The following ANTXR2 variants were observed in gnomAD, a reference collection of about 807,000 sequenced individuals.
The protein encoded by ANTXR2 is ANTXR cell adhesion molecule 2.
ANTXR2 carries 44 observed loss-of-function variants against 73.7 expected under a neutral mutation model. The observed-to-expected ratio is 0.60, with a 90% CI of 0.47 to 0.77. The LOEUF (loss-of-function observed/expected upper bound fraction) is 0.77, where lower values mean the gene tolerates loss of function less well. ANTXR2 is among the 30% of genes least tolerant of loss of function. The pLI is 0.00. For missense variants in ANTXR2, 604 were observed against 592.5 expected, an observed-to-expected ratio of 1.02 and a Z score of -0.20; for synonymous variants, 217 against 205.9, an observed-to-expected ratio of 1.05 and a Z score of -0.46.
intron 11 of ANTXR2, among the ~76,000 whole-genome samples, chr4:80,016,638 G>T (rs1350101316): frequency 2.0e-5 from 3 of 152,094 alleles, no homozygotes; most frequent in Middle Eastern, 3.2e-3. Context: ...TTTCCACTGC[G>T]ATGTCCAATA....
At chr4:79,960,524 G>GA (rs996660938) in intron 16 of ANTXR2, among the ~76,000 whole-genome samples, 8 of 151,410 alleles carry the variant, frequency 5.3e-5, no homozygotes, top group Admixed American at 3.9e-4. Context: ...AGCATAAGGA[G>GA]AAAAAAAACT....
rs1553896410 is a variant in ANTXR2 at position 80,072,479 on chromosome 4, C to T, written c.82G>A (p.Gly28Arg). The change falls in exon 1 of 17, where the codon GGG becomes AGG. Residue 28 changes from glycine to arginine, a missense_variant. By Grantham distance (125) the Gly-to-Arg change is moderately radical. Coordinates refer to ENST00000403729, the MANE Select transcript of ANTXR2 (RefSeq NM_058172.6). ...GLWLLVLSGP[G>R]GLLRAQEQPS... ...TGCTCCTGGGCGCGCAGCAGCCCCC[C>T]GGGACCGCTGAGCACCAACAGCCAC... 1.2e-6 allele frequency: 2 copies of T among 1,610,110 alleles called. No homozygotes were observed. Among genetic ancestry groups the T allele is most frequent in the Admixed American group, 1.7e-5 (1 of 59,736 alleles).
rs376265870 is a variant in ANTXR2, at chr4:79,927,974, T to C, written c.1429-20507A>G. 2.6e-5 allele frequency among the ~76,000 whole-genome samples: 4 copies of C among 152,154 alleles called. No individual in the cohort carries two copies. In the East Asian group the frequency reaches 7.7e-4, roughly 29 times the overall value. On this transcript the variant is annotated intron_variant, in intron 16 of 16. Coordinates refer to ENST00000403729, the MANE Select transcript of ANTXR2 (RefSeq NM_058172.6). The stretch of plus-strand genomic sequence containing the variant: ...TGGTAGTTCCTCAAAAAATTAAACA[T>C]AGAATTACTACATGATCCAGTAATC...
intron 16 of ANTXR2, among the ~76,000 whole-genome samples, chr4:79,920,373 CTCTGATCAA>C (rs1578083334): frequency 6.6e-6 from 1 of 152,046 alleles, no homozygotes; most frequent in East Asian, 1.9e-4. Flanking sequence ...TACCTGCCTC[CTCTGATCAA>C]TCTTGGTATC....
intron 13 of ANTXR2, among the ~76,000 whole-genome samples, 152 bp downstream of exon 13, chr4:79,984,667 G>A (rs1174237331): frequency 6.6e-6 from 1 of 151,840 alleles, no homozygotes. Flanking sequence ...TAAATCATAA[G>A]AGGATGAAAA....
intron 16 of ANTXR2, among the ~76,000 whole-genome samples, chr4:79,917,598 G>A (rs1406450045): frequency 6.6e-6 from 1 of 152,130 alleles, no homozygotes; most frequent in African/African-American, 2.4e-5. Flanking sequence ...AATGGAAAAA[G>A]CAAGAGAGAT....
At chr4:80,048,754 G>A (rs1371844424) in intron 7 of ANTXR2, among the ~76,000 whole-genome samples, 1 of 151,602 alleles carries the variant, frequency 6.6e-6, no homozygotes, top group Non-Finnish European at 1.5e-5. Flanking sequence ...ATAAAATATA[G>A]TGTTAGACAC....
chr4:79,936,550 C>T (rs1046237479), intron 16 of ANTXR2, among the ~76,000 whole-genome samples: 2 of 150,974 alleles, frequency 1.3e-5, no homozygotes, highest in Admixed American at 1.3e-4. Context: ...TTTATGTCCT[C>T]ATAAAAGCTT....
At chr4:80,069,982 G>A (rs1168382244) in intron 2 of ANTXR2, among the ~76,000 whole-genome samples, 4 of 152,176 alleles carry the variant, frequency 2.6e-5, no homozygotes, top group African/African-American at 9.7e-5. Flanking sequence ...AAAGAGTCAT[G>A]GAAAATGTGA....
intron 12 of ANTXR2, among the ~76,000 whole-genome samples, chr4:79,992,386 A>T (rs1730513284): frequency 6.6e-6 from 1 of 151,964 alleles, no homozygotes; most frequent in Non-Finnish European, 1.5e-5. Flanking sequence ...CAGGGAAAAA[A>T]TACACAGACA....
intron 7 of ANTXR2, among the ~76,000 whole-genome samples, chr4:80,042,462 A>T (rs990576942): frequency 6.6e-6 from 1 of 151,956 alleles, no homozygotes; most frequent in African/African-American, 2.4e-5. Context: ...GACATTGGGT[A>T]CATTTTTCAT....
At chr4:80,024,172 A>G (rs923993750) in intron 10 of ANTXR2, among the ~76,000 whole-genome samples, 1 of 152,218 alleles carries the variant, frequency 6.6e-6, no homozygotes. Context: ...GTGAGGAAGA[A>G]GAAAAAAGGA....
At chr4:80,005,554 C>A (rs943192964) in intron 12 of ANTXR2, among the ~76,000 whole-genome samples, 2 of 152,004 alleles carry the variant, frequency 1.3e-5, no homozygotes, top group African/African-American at 4.8e-5. Context: ...TATTATAATA[C>A]CCTCTGAAAA....
At chr4:79,996,330 G>GATGGATAT (rs1271594269) in intron 12 of ANTXR2, among the ~76,000 whole-genome samples, 2 of 151,352 alleles carry the variant, frequency 1.3e-5, no homozygotes, top group Non-Finnish European at 3.0e-5. Context: ...TGGATGGATG[G>GATGGATAT]ATGGATGGAT....
At chr4:80,068,147 A>G (rs1734596599) in intron 3 of ANTXR2, among the ~76,000 whole-genome samples, 1 of 152,230 alleles carries the variant, frequency 6.6e-6, no homozygotes, top group South Asian at 2.1e-4. Flanking sequence ...TTCTAAATCA[A>G]TTAAGTGAAT....
intron 3 of ANTXR2, among the ~76,000 whole-genome samples, chr4:80,056,263 T>C (rs750692227): frequency 3.9e-5 from 6 of 151,930 alleles, no homozygotes; most frequent in Non-Finnish European, 7.4e-5. Context: ...CTTTGCATAT[T>C]CTAGGCCTTC....
intron 3 of ANTXR2, among the ~76,000 whole-genome samples, chr4:80,056,509 A>G (rs1578190587): frequency 1.3e-5 from 2 of 151,944 alleles, no homozygotes; most frequent in East Asian, 3.9e-4. Flanking sequence ...TGTCTCCCAG[A>G]GTCGTAAGTC....
chr4:80,026,563 C>T (rs1009137475), intron 10 of ANTXR2, among the ~76,000 whole-genome samples: 3 of 151,834 alleles, frequency 2.0e-5, no homozygotes, highest in African/African-American at 7.3e-5. Context: ...TATAGGTGTC[C>T]ATCTTTAAAT....
In ANTXR2 at chr4:80,024,586, C is replaced by A. The variant is rs1344432694; in HGVS notation, c.867-5610G>T. 5 of 350,436 alleles carry A rather than the reference C, an allele frequency of 1.4e-5. No homozygotes were observed. The East Asian group carries it at 3.4e-4, about 24-fold the overall frequency. The allele number at this position is 350,436 out of a possible 1,614,324, so 21.7% of individuals were successfully genotyped here. On this transcript the variant is annotated intron_variant, in intron 10 of 16. Transcript: ENST00000403729. Reference sequence around the variant, plus strand: ...GACCAGCCTGGGAAACATGGTGAAACCCTGTCTATACAAAATGTACAGAAA... The same window carrying A: ...GACCAGCCTGGGAAACATGGTGAAAACCTGTCTATACAAAATGTACAGAAA...
Sources: gnomAD v4.1 joint callset for allele counts (sites outside exome capture counted in the v4.1 genomes callset) on GRCh38, gnomAD v4.1.1 for gene constraint, MANE v1.5 for transcripts, NCBI Gene and HGNC (gene_info 2026-07-23, HGNC 2026-07-21) for gene names.